Variants in UGT1A6 observed in about 807,000 individuals in gnomAD.
UGT1A6 encodes the protein UDP glucuronosyltransferase family 1 member A6.
A neutral mutation model predicts 44.4 loss-of-function variants in UGT1A6; 32 were observed. The observed-to-expected ratio is 0.72, with a 90% CI of 0.54 to 0.97. UGT1A6 has a LOEUF of 0.97. UGT1A6 is among the 50% of genes least tolerant of loss of function. UGT1A6 has a pLI of 0.00. For missense variants in UGT1A6, 685 were observed against 661.9 expected, an observed-to-expected ratio of 1.03 and a Z score of -0.38; for synonymous variants, 238 against 248.5, an observed-to-expected ratio of 0.96 and a Z score of 0.40.
At chr2:233,747,680 C>T (rs919271713) in intron 1 of UGT1A6, 69 of 1,607,988 alleles carry the variant, frequency 4.3e-5, no homozygotes, top group Non-Finnish European at 5.7e-5. Context: ...CAATTTACCT[C>T]TGTGGGGCAG....
chr2:233,719,258 T>C (rs2076743252), intron 1 of UGT1A6: 1 of 1,614,162 alleles, frequency 6.2e-7, no homozygotes, highest in Non-Finnish European at 8.5e-7. Flanking sequence ...CTACTTCCTT[T>C]GATGTGGTTT....
chr2:233,768,023 G>A, intron 3 of UGT1A6, 87 bp downstream of exon 3: 1 of 1,613,460 alleles, frequency 6.2e-7, no homozygotes, highest in Non-Finnish European at 8.5e-7. Flanking sequence ...GGATTGTTGA[G>A]CTTGAAAATA....
chr2:233,723,473 G>A (rs1476221455), intron 1 of UGT1A6, among the ~76,000 whole-genome samples: 1 of 135,908 alleles, frequency 7.4e-6, no homozygotes, highest in Admixed American at 7.3e-5. Flanking sequence ...GCCTCCCAAA[G>A]TGCTAGGATT....
chr2:233,721,061 C>T (rs1345947029), intron 1 of UGT1A6, among the ~76,000 whole-genome samples: 1 of 152,076 alleles, frequency 6.6e-6, no homozygotes, highest in Non-Finnish European at 1.5e-5. Flanking sequence ...GTCATATTCA[C>T]TGAATTTATA....
intron 1 of UGT1A6, chr2:233,708,765 C>G (rs961432018): frequency 6.6e-6 from 1 of 152,024 alleles, no homozygotes; most frequent in Admixed American, 6.6e-5. Flanking sequence ...CCCACCCCCC[C>G]CCAAATCAAT....
At chr2:233,694,271 TGTGAGC>T (rs1439131149) in intron 1 of UGT1A6, among the ~76,000 whole-genome samples, 4 of 151,934 alleles carry the variant, frequency 2.6e-5, no homozygotes, top group Non-Finnish European at 4.4e-5. Flanking sequence ...AACTACAGCC[TGTGAGC>T]CCAATCTGCC....
At chr2:233,699,728 C>T (rs1338916354) in intron 1 of UGT1A6, among the ~76,000 whole-genome samples, 1 of 152,204 alleles carries the variant, frequency 6.6e-6, no homozygotes, top group Non-Finnish European at 1.5e-5. Context: ...TTTTACGGAG[C>T]GTTTTCCCAG....
chr2:233,705,461 A>C (rs142417974), intron 1 of UGT1A6, among the ~76,000 whole-genome samples: 3,272 of 152,314 alleles, frequency 0.021, 112 homozygotes, highest in African/African-American at 0.075. Flanking sequence ...ATTTTTTAGC[A>C]GACACACATG....
chr2:233,753,194 G>GCCCT (rs1307613617), intron 1 of UGT1A6: 1 of 152,080 alleles, frequency 6.6e-6, no homozygotes, highest in Non-Finnish European at 1.5e-5. Context: ...TTTTTCAAAA[G>GCCCT]CCCTGACAGT....
intron 1 of UGT1A6, chr2:233,747,091 T>G (rs1693559747): frequency 8.0e-7 from 1 of 1,256,442 alleles, no homozygotes. Context: ...AGGAGAGCAC[T>G]CTATCTTCCA....
chr2:233,731,109 T>C (rs1417583719), intron 1 of UGT1A6, among the ~76,000 whole-genome samples: 2 of 152,194 alleles, frequency 1.3e-5, no homozygotes, highest in African/African-American at 2.4e-5. Flanking sequence ...TTTTTATAAA[T>C]GTAGGTATTA....
rs2075120716 is a variant in UGT1A6 at position 233,692,935 on chromosome 2, A to G, written c.-70A>G. 4 of 1,587,686 alleles carry G rather than the reference A, an allele frequency of 2.5e-6. No homozygotes were observed. The South Asian group carries it at 4.8e-5, about 19-fold the overall frequency. On this transcript the variant is annotated 5_prime_UTR_variant, in exon 1 of 5. Transcript: ENST00000305139. ...AAAAGCAGTGGTTAGTTTAGGGAAA[A>G]TACCTAGGAGCCCTGTGATTTGGAG...
At chr2:233,739,640 A>G (rs1691162430) in intron 1 of UGT1A6, among the ~76,000 whole-genome samples, 1 of 152,122 alleles carries the variant, frequency 6.6e-6, no homozygotes, top group African/African-American at 2.4e-5. Context: ...GGGAACATTT[A>G]CCCAATTTCT....
chr2:233,755,241 A>T, intron 1 of UGT1A6: 1 of 865,322 alleles, frequency 1.2e-6, no homozygotes. Context: ...CTACCGGGGT[A>T]CTCCCAGCAC....
chr2:233,747,643 C>T (rs1693738898), intron 1 of UGT1A6: 1 of 1,585,416 alleles, frequency 6.3e-7, no homozygotes, highest in East Asian at 2.2e-5. Context: ...CTGAATGCTA[C>T]TTCCTTCGAT....
At chr2:233,729,604 G>C in intron 1 of UGT1A6, 2 of 1,613,996 alleles carry the variant, frequency 1.2e-6, no homozygotes, top group Non-Finnish European at 1.7e-6. Context: ...CTGCGCGGCA[G>C]TGCTGGCTAA....
At chr2:233,753,795 C>G (rs760622704) in intron 1 of UGT1A6, 1 of 152,194 alleles carries the variant, frequency 6.6e-6, no homozygotes, top group African/African-American at 2.4e-5. Flanking sequence ...TTTCCAGGAC[C>G]TACCATAGTT....
intron 1 of UGT1A6, 110 bp downstream of exon 1, chr2:233,693,975 G>A (rs1050252504): frequency 2.0e-5 from 32 of 1,565,898 alleles, no homozygotes; most frequent in Non-Finnish European, 2.6e-5. Flanking sequence ...CTGGAGAAAC[G>A]GTGGGGGGAA....
At chr2:233,743,686 G>A (rs1347222099) in intron 1 of UGT1A6, 2 of 1,367,248 alleles carry the variant, frequency 1.5e-6, no homozygotes, top group Admixed American at 3.8e-5. Flanking sequence ...TGCCGCCTGT[G>A]CAGCCGCCCT....
Sources: allele counts gnomAD v4.1 joint callset (sites outside exome capture counted in the v4.1 genomes callset), GRCh38; gene constraint gnomAD v4.1.1; transcripts MANE v1.5; gene names NCBI Gene and HGNC (gene_info 2026-07-23, HGNC 2026-07-21).